The following CEP128 variants were observed in gnomAD, a reference collection of about 807,000 sequenced individuals.
CEP128 encodes the protein centrosomal protein 128kDa.
In CEP128, 132 loss-of-function variants were observed where a neutral mutation model predicts 156.7. That is an observed-to-expected ratio of 0.84 (90% confidence interval 0.73 to 0.97). The LOEUF (loss-of-function observed/expected upper bound fraction) is 0.97, where lower values mean the gene tolerates loss of function less well. Among genes scored for constraint, CEP128 ranks in the 50% least tolerant of loss-of-function variants. CEP128 has a pLI of 0.00. For missense variants in CEP128, 1,252 were observed against 1,281.9 expected (o/e 0.98, Z 0.36); for synonymous variants, 469 against 448.9 (o/e 1.04, Z -0.57).
rs1287362207 is a variant in CEP128, at chr14:80,784,924, C to T, written c.2182G>A (p.Glu728Lys). 10 of 1,613,034 alleles carry T rather than the reference C, an allele frequency of 6.2e-6. No homozygotes were observed. In the East Asian group the frequency reaches 1.8e-4, roughly 29 times the overall value. ...AGAGTCCTGATATGATTCTCAGCCT[C>T]ACTCTTTTCTTTCTTAAAGTGCTTC... ...LMKHFKKEKS[E>K]AENHIRTLKA... is the part of the protein sequence containing the mutation. The change falls in exon 15 of 25, where the codon GAG (glutamate) becomes AAG (lysine). Residue 728 changes from glutamate to lysine, a missense_variant. Transcript: ENST00000555265.
At chr14:80,770,200 C>A (rs1900445890) in intron 16 of CEP128, among the ~76,000 whole-genome samples, 1 of 152,226 alleles carries the variant, frequency 6.6e-6, no homozygotes, top group Admixed American at 6.5e-5. Flanking sequence ...AACTGGTAAA[C>A]TTTGACTTTA....
At chr14:80,676,451 T>TA (rs1223938705) in intron 19 of CEP128, among the ~76,000 whole-genome samples, 127 of 150,928 alleles carry the variant, frequency 8.4e-4, no homozygotes, top group Middle Eastern at 3.4e-3. Context: ...GTGATTTTTT[T>TA]TAAAAAAAAA....
At chr14:80,578,153 A>G (rs1891435789) in intron 20 of CEP128, among the ~76,000 whole-genome samples, 2 of 152,156 alleles carry the variant, frequency 1.3e-5, no homozygotes, top group African/African-American at 4.8e-5. Context: ...TTTATTATAA[A>G]CACTGATTTT....
intron 16 of CEP128, among the ~76,000 whole-genome samples, chr14:80,765,907 T>G (rs1422864205): frequency 6.6e-6 from 1 of 152,196 alleles, no homozygotes; most frequent in Admixed American, 6.5e-5. Flanking sequence ...GCCTTAACAT[T>G]AGAATTTAGA....
At position 80,785,115 on chromosome 14, in the gene CEP128, T is replaced by A. The variant is rs1255382013; in HGVS notation, c.1991A>T (p.Asp664Val). 6.2e-7 allele frequency: 1 copy of A among 1,614,038 alleles called. No individual in the cohort carries two copies. The highest frequency in any genetic ancestry group is 8.5e-7 in the Non-Finnish European group (1 of 1,179,988). The change falls in exon 15 of 25, where the codon GAC becomes GTC. Residue 664 changes from aspartate to valine, a missense_variant. Asp to Val is a radical substitution (Grantham distance 152). Transcript: ENST00000555265. ...EERAKKAVLK[D>V]LSDLTAQAKS... ...TGCCTGTGCAGTGAGGTCAGAAAGG[T>A]CCTTAAGCACTGCTTTCTTGGCTCT...
chr14:80,920,476 CTTTT>C (rs1884797167), intron 2 of CEP128, among the ~76,000 whole-genome samples: 2 of 152,260 alleles, frequency 1.3e-5, no homozygotes, highest in African/African-American at 4.8e-5. Context: ...ATATACTCTT[CTTTT>C]GTCATTAACA....
intron 2 of CEP128, among the ~76,000 whole-genome samples, chr14:80,929,835 C>T (rs1157864984): frequency 6.6e-6 from 1 of 152,168 alleles, no homozygotes; most frequent in African/African-American, 2.4e-5. Context: ...ATCCATGTAA[C>T]CAAAAACCAC....
At chr14:80,532,931 TTC>T (rs1344016337) in intron 21 of CEP128, among the ~76,000 whole-genome samples, 3 of 152,226 alleles carry the variant, frequency 2.0e-5, no homozygotes, top group African/African-American at 7.2e-5. Context: ...GTTCATAAAG[TTC>T]TCTTTTTCAA....
chr14:80,759,515 T>C (rs975203999), intron 17 of CEP128, among the ~76,000 whole-genome samples: 4 of 152,166 alleles, frequency 2.6e-5, no homozygotes, highest in African/African-American at 9.7e-5. Flanking sequence ...GTTTCTTGAG[T>C]GCTATGTTCT....
chr14:80,781,816 T>C (rs1901135362), intron 15 of CEP128, among the ~76,000 whole-genome samples: 1 of 152,184 alleles, frequency 6.6e-6, no homozygotes, highest in Admixed American at 6.5e-5. Context: ...CACTGAAGAA[T>C]GCATATCGGA....
At chr14:80,483,188 C>T (rs953985240) in intron 14 of CEP128, among the ~76,000 whole-genome samples, 2 of 152,202 alleles carry the variant, frequency 1.3e-5, no homozygotes, top group Non-Finnish European at 2.9e-5. Context: ...AAGGGAGCAA[C>T]ATTACAATCT....
chr14:80,622,114 A>C, intron 19 of CEP128, among the ~76,000 whole-genome samples: 1 of 152,192 alleles, frequency 6.6e-6, no homozygotes, highest in East Asian at 1.9e-4. Flanking sequence ...GAAAAACATA[A>C]ATGCACAGAT....
At chr14:80,956,015 T>G (rs1049180956) in intron 2 of CEP128, 3 of 802,834 alleles carry the variant, frequency 3.7e-6, no homozygotes, top group African/African-American at 3.4e-5. Flanking sequence ...TGCTAAAAAC[T>G]TAATCGCCCA....
rs1203295701 is a variant in CEP128 at position 80,647,070 on chromosome 14, T to C, written c.2807-66647A>G. Among the ~76,000 whole-genome samples, 2 of 75,766 alleles carry C rather than the reference T, an allele frequency of 2.6e-5. 1 individual carries two copies. Among genetic ancestry groups the C allele is most frequent in the African/African-American group, 1.3e-4 (2 of 15,740 alleles). The allele number at this position is 75,766 out of a possible 152,430, so 49.7% of individuals were successfully genotyped here. A position where few individuals can be genotyped will look rare whatever the true frequency, so the allele number is the denominator to read the frequency against. On this transcript the variant is annotated intron_variant, in intron 19 of 24. Coordinates refer to ENST00000555265, the MANE Select transcript of CEP128 (RefSeq NM_152446.5). ...ATATATATATATATATATATATATATATATATATATATATATACACCCTTA... is the reference window on the plus strand; with the variant it reads ...ATATATATATATATATATATATATACATATATATATATATATACACCCTTA...
At chr14:80,563,439 A>C (rs150934294) in intron 20 of CEP128, among the ~76,000 whole-genome samples, 17 of 151,742 alleles carry the variant, frequency 1.1e-4, no homozygotes, top group African/African-American at 4.1e-4. Flanking sequence ...GAAAATGTAC[A>C]TTATATGCAA....
chr14:80,908,365 T>C (rs1054940797), intron 4 of CEP128, among the ~76,000 whole-genome samples: 2 of 152,220 alleles, frequency 1.3e-5, no homozygotes, highest in East Asian at 1.9e-4. Context: ...TTCTCTTCTA[T>C]ATTTTTTCAA....
chr14:80,627,429 T>A (rs1893774739), intron 19 of CEP128, among the ~76,000 whole-genome samples: 1 of 152,212 alleles, frequency 6.6e-6, no homozygotes, highest in African/African-American at 2.4e-5. Flanking sequence ...TAAGAACGCA[T>A]CACATGAAGT....
intron 19 of CEP128, among the ~76,000 whole-genome samples, chr14:80,732,526 T>G (rs1898329798): frequency 7.6e-6 from 1 of 132,184 alleles, no homozygotes; most frequent in Admixed American, 7.3e-5. Context: ...GTGTGGTTTC[T>G]CCAATAAAAC....
chr14:80,596,986 T>C lies in CEP128; in HGVS notation c.2807-16563A>G, dbSNP rs536645421. On this transcript the variant is annotated intron_variant, in intron 19 of 24. Transcript: ENST00000555265. The stretch of plus-strand genomic sequence containing the variant: ...GAAAAGAGGAAAAGTCTCAAATGAA[T>C]ACCCTATGCTCCCACCTCAAGAACC... 1.6e-4 allele frequency among the ~76,000 whole-genome samples: 23 copies of C among 148,134 alleles called. No individual in the cohort carries two copies. In the South Asian group the frequency reaches 5.0e-3, roughly 32 times the overall value.
Sources: allele counts gnomAD v4.1 joint callset (sites outside exome capture counted in the v4.1 genomes callset), GRCh38; gene constraint gnomAD v4.1.1; transcripts MANE v1.5; gene names NCBI Gene and HGNC (gene_info 2026-07-23, HGNC 2026-07-21).